The following SLC17A2 variants were observed in gnomAD, a reference collection of about 807,000 sequenced individuals.
SLC17A2 encodes the protein solute carrier family 17 member 2.
SLC17A2 carries 38 observed loss-of-function variants against 52.1 expected under a neutral mutation model. That is an observed-to-expected ratio of 0.73 (90% confidence interval 0.56 to 0.96). The LOEUF is 0.96. Among genes scored for constraint, SLC17A2 ranks in the 40% least tolerant of loss-of-function variants. The pLI is 0.00. For synonymous variants in SLC17A2, 226 were observed against 211.9 expected (o/e 1.07, Z -0.58); for missense variants, 508 against 583.9 (o/e 0.87, Z 1.34).
At chr6:25,928,218 C>T (rs1766830895) in intron 1 of SLC17A2, among the ~76,000 whole-genome samples, 1 of 151,948 alleles carries the variant, frequency 6.6e-6, no homozygotes, top group African/African-American at 2.4e-5. Flanking sequence ...GCTTGTTCTA[C>T]CTATTACAAC....
intron 10 of SLC17A2, 23 bp downstream of exon 10, chr6:25,915,476 G>GA (rs1187497712): frequency 3.9e-6 from 6 of 1,543,522 alleles, no homozygotes; most frequent in Non-Finnish European, 5.2e-6. Flanking sequence ...TGGAGGAGGG[G>GA]AAAAAACAGG....
chr6:25,914,346 C>T (rs550451607), intron 11 of SLC17A2, among the ~76,000 whole-genome samples: 8 of 152,312 alleles, frequency 5.3e-5, no homozygotes, highest in South Asian at 4.1e-4. Flanking sequence ...GGAAGTCACA[C>T]GTGCTGTCTT....
In SLC17A2 at chr6:25,915,720, A is replaced by T; in HGVS notation, c.1063+16T>A. On this transcript the variant is annotated intron_variant, in intron 9 of 11. Coordinates refer to ENST00000377850, the MANE Select transcript of SLC17A2 (RefSeq NM_001286123.3). The stretch of plus-strand genomic sequence containing the variant: ...GAAAAGGGATTGGTTAAATGGGCCC[A>T]CACGCTTATCCTTACCAAGAGATGA... 6.2e-7 allele frequency: 1 copy of T among 1,613,580 alleles called. No individual in the cohort carries two copies. Among genetic ancestry groups the T allele is most frequent in the Non-Finnish European group, 8.5e-7 (1 of 1,179,780 alleles).
intron 5 of SLC17A2, among the ~76,000 whole-genome samples, chr6:25,918,986 A>G (rs1766434801): frequency 6.6e-6 from 1 of 152,222 alleles, no homozygotes; most frequent in Non-Finnish European, 1.5e-5. Flanking sequence ...TTCTGGTCCA[A>G]TTGGAGAGAA....
At chr6:25,924,623 A>G (rs575756415) in intron 2 of SLC17A2, among the ~76,000 whole-genome samples, 1 of 152,228 alleles carries the variant, frequency 6.6e-6, no homozygotes, top group African/African-American at 2.4e-5. Flanking sequence ...AGCCTGGTCA[A>G]CATGGTGAAA....
Position 25,913,145 on chromosome 6 carries a change from A to T in SLC17A2, c.*172T>A, listed in dbSNP as rs754500738. The stretch of plus-strand genomic sequence containing the variant: ...TTCCACCCCAGACCAATTCATTCAG[A>T]ATCTCTGGAGTGGGTCCCAAGTATC... On this transcript the variant is annotated 3_prime_UTR_variant, in exon 12 of 12. Transcript: ENST00000377850. 1.4e-5 allele frequency: 9 copies of T among 655,812 alleles called. No individual in the cohort carries two copies. Among genetic ancestry groups the T allele is most frequent in the Non-Finnish European group, 2.4e-5 (9 of 376,232 alleles). 40.6% of individuals were successfully genotyped at this position (655,812 alleles called of 1,614,324 possible).
chr6:25,918,464 G>C (rs760442299), intron 6 of SLC17A2, 23 bp downstream of exon 6: 9 of 1,554,288 alleles, frequency 5.8e-6, no homozygotes, highest in Admixed American at 3.3e-5. Flanking sequence ...GGAGGCGTTA[G>C]GATTTAAGAG....
intron 1 of SLC17A2, among the ~76,000 whole-genome samples, chr6:25,927,246 C>T (rs1766801400): frequency 6.6e-6 from 1 of 152,120 alleles, no homozygotes; most frequent in Admixed American, 6.6e-5. Context: ...CCAAAAATAT[C>T]CTTTGTAGTA....
At chr6:25,917,905 C>T (rs1224797186) in intron 6 of SLC17A2, among the ~76,000 whole-genome samples, 1 of 152,142 alleles carries the variant, frequency 6.6e-6, no homozygotes, top group Non-Finnish European at 1.5e-5. Context: ...AAGCATTTCA[C>T]AGTCTAGTGG....
At chr6:25,925,745 T>C in intron 2 of SLC17A2, 24 bp downstream of exon 2, 1 of 1,610,784 alleles carries the variant, frequency 6.2e-7, no homozygotes, top group Non-Finnish European at 8.5e-7. Context: ...TAACATAGCC[T>C]GCAAACAAGA....
At chr6:25,924,831 T>A (rs1024796815) in intron 2 of SLC17A2, among the ~76,000 whole-genome samples, 2 of 151,538 alleles carry the variant, frequency 1.3e-5, no homozygotes, top group African/African-American at 4.9e-5. Context: ...AAAATTAATA[T>A]GTAGAACTAT....
chr6:25,915,443 G>T (rs1158830432), intron 10 of SLC17A2, 56 bp downstream of exon 10: 75 of 1,465,134 alleles, frequency 5.1e-5, no homozygotes, highest in Non-Finnish European at 6.2e-5. Context: ...CGACCACTGA[G>T]GTCTAACACC....
intron 5 of SLC17A2, among the ~76,000 whole-genome samples, chr6:25,920,459 T>A (rs1024093340): frequency 2.0e-5 from 3 of 152,216 alleles, no homozygotes; most frequent in Admixed American, 6.5e-5. Flanking sequence ...GGCAATTTTC[T>A]TAATCTCCAC....
chr6:25,925,421 G>A (rs934986256), intron 2 of SLC17A2, among the ~76,000 whole-genome samples: 2 of 151,236 alleles, frequency 1.3e-5, no homozygotes, highest in Non-Finnish European at 2.9e-5. Context: ...GCTGAGGCAG[G>A]AGAATCACTT....
At chr6:25,923,087 C>A (rs9358894) in intron 3 of SLC17A2, among the ~76,000 whole-genome samples, 1 of 151,700 alleles carries the variant, frequency 6.6e-6, no homozygotes, top group East Asian at 1.9e-4. Context: ...CTTGGGAGGC[C>A]GAGACAGGAA....
chr6:25,924,578 G>A (rs1766686678), intron 2 of SLC17A2, among the ~76,000 whole-genome samples: 2 of 151,866 alleles, frequency 1.3e-5, no homozygotes, highest in African/African-American at 4.8e-5. Context: ...GGAGGCTAAG[G>A]CAGGTGGATC....
chr6:25,921,282 G>A lies in SLC17A2; in HGVS notation c.371C>T (p.Ala124Val), dbSNP rs1263005874. ...GAGAAGGGAAGAGATCAGCAAACCA[G>A]CACCAAGCATTTTTTTTGCTCCAAA... ...GIFGAKKMLG[A>V]GLLISSLLTL... The change falls in exon 4 of 12, where the codon GCT becomes GTT. Residue 124 changes from alanine (A) to valine (V), a missense_variant. Coordinates refer to ENST00000377850, the MANE Select transcript of SLC17A2 (RefSeq NM_001286123.3). 1 of 1,614,016 alleles carries A rather than the reference G, an allele frequency of 6.2e-7. No homozygotes were observed. The highest frequency in any genetic ancestry group is 1.3e-5 in the African/African-American group (1 of 74,904).
In SLC17A2 at chr6:25,921,411, G is replaced by T. The variant is rs781647442; in HGVS notation, c.242C>A (p.Ala81Asp). ...SISIKEFDTK[A>D]SVYQWSPETQ... Reference sequence around the variant, plus strand: ...TTCTGGGCTCCATTGATACACAGAGGCCTGGGGGAAAAATAGGAAAACTCT... The same window carrying T: ...TTCTGGGCTCCATTGATACACAGAGTCCTGGGGGAAAAATAGGAAAACTCT... The change falls in exon 4 of 12, where the codon GCC becomes GAC. Residue 81 changes from alanine (A) to aspartate (D), a missense_variant and splice_region_variant. Coordinates refer to ENST00000377850, the MANE Select transcript of SLC17A2 (RefSeq NM_001286123.3). 23 of 1,603,696 alleles carry T rather than the reference G, an allele frequency of 1.4e-5. No homozygotes were observed. In the South Asian group the frequency reaches 2.4e-4, roughly 17 times the overall value.
intron 6 of SLC17A2, among the ~76,000 whole-genome samples, chr6:25,917,334 C>T (rs141957400): frequency 4.9e-4 from 75 of 152,276 alleles, no homozygotes; most frequent in East Asian, 1.5e-3. Flanking sequence ...ATAACAGGAG[C>T]GTGGCATTGC....
Sources: gnomAD v4.1 joint callset for allele counts (sites outside exome capture counted in the v4.1 genomes callset) on GRCh38, gnomAD v4.1.1 for gene constraint, MANE v1.5 for transcripts, NCBI Gene and HGNC (gene_info 2026-07-23, HGNC 2026-07-21) for gene names.